KCNMA1: variants seen among roughly 807,000 people sequenced by gnomAD.
KCNMA1 encodes the protein Calcium-activated potassium channel subunit alpha-1.
KCNMA1 carries 29 observed loss-of-function variants against 140.0 expected under a neutral mutation model. The observed-to-expected ratio is 0.21, with a 90% CI of 0.15 to 0.28. The LOEUF (loss-of-function observed/expected upper bound fraction) is 0.28. KCNMA1 is among the 10% of genes least tolerant of loss of function. The pLI, the probability that KCNMA1 is intolerant of heterozygous loss-of-function variation, is 1.00. For synonymous variants in KCNMA1, 612 were observed against 611.9 expected, an observed-to-expected ratio of 1.00 and a Z score of 0.00; for missense variants, 880 against 1,602.2, an observed-to-expected ratio of 0.55 and a Z score of 7.70.
At position 77,154,872 on chromosome 10, in the gene KCNMA1, T is replaced by A. The variant is rs549200197; in HGVS notation, c.808+28549A>T. The stretch of plus-strand genomic sequence containing the variant: ...AAATTGCTTCAAGCAAATGCTTGTA[T>A]AAATTGCTATAAAACACACAAATTC... On this transcript the variant is annotated intron_variant, in intron 5 of 27. Transcript: ENST00000286628. Among the ~76,000 whole-genome samples, 16 of 152,372 alleles carry A rather than the reference T, an allele frequency of 1.1e-4. No individual in the cohort carries two copies. The South Asian group carries it at 1.5e-3, about 14-fold the overall frequency.
intron 3 of KCNMA1, among the ~76,000 whole-genome samples, chr10:77,221,065 A>G (rs1041689981): frequency 3.3e-5 from 5 of 152,224 alleles, no homozygotes; most frequent in Non-Finnish European, 5.9e-5. Context: ...CTGAAAAGAA[A>G]CTGCTAGTGA....
intron 2 of KCNMA1, among the ~76,000 whole-genome samples, chr10:77,388,529 A>G (rs1243848345): frequency 6.6e-6 from 1 of 152,246 alleles, no homozygotes; most frequent in Non-Finnish European, 1.5e-5. Flanking sequence ...CAAATCCCTG[A>G]GAACAAACAA....
chr10:77,364,662 C>G (rs181836), intron 2 of KCNMA1, among the ~76,000 whole-genome samples: 48,357 of 151,796 alleles, frequency 0.32, 7,891 homozygotes, highest in South Asian at 0.38. Context: ...TGGCTCATAA[C>G]TTCTCACTTT....
intron 14 of KCNMA1, among the ~76,000 whole-genome samples, chr10:77,062,240 G>A (rs547708348): frequency 5.9e-5 from 9 of 152,188 alleles, no homozygotes; most frequent in Non-Finnish European, 1.2e-4. Flanking sequence ...TAATAACCTT[G>A]AGGACTTATC....
At chr10:77,632,343 C>T (rs1384891857) in intron 1 of KCNMA1, among the ~76,000 whole-genome samples, 1 of 152,150 alleles carries the variant, frequency 6.6e-6, no homozygotes, top group Admixed American at 6.5e-5. Context: ...ACTTGGGAGA[C>T]AGGTCTATGA....
At chr10:77,098,026 T>C (rs2096981018) in intron 9 of KCNMA1, among the ~76,000 whole-genome samples, 1 of 152,230 alleles carries the variant, frequency 6.6e-6, no homozygotes, top group Non-Finnish European at 1.5e-5. Context: ...GCCAAAACTT[T>C]GCATCTTATC....
chr10:77,509,129 T>C (rs951514900), intron 1 of KCNMA1, among the ~76,000 whole-genome samples: 1 of 143,480 alleles, frequency 7.0e-6, no homozygotes, highest in Non-Finnish European at 1.5e-5. Context: ...GTTGTTGTTG[T>C]TGTTGTTGTT....
At chr10:77,292,639 C>T (rs1039927162) in intron 2 of KCNMA1, among the ~76,000 whole-genome samples, 4 of 152,164 alleles carry the variant, frequency 2.6e-5, no homozygotes, top group African/African-American at 9.7e-5. Flanking sequence ...TCCTTCCAGG[C>T]CCCAGCTCCT....
chr10:76,936,187 C>T (rs2060505935), intron 23 of KCNMA1, among the ~76,000 whole-genome samples: 1 of 152,142 alleles, frequency 6.6e-6, no homozygotes, highest in Non-Finnish European at 1.5e-5. Context: ...CTTGGGATGT[C>T]CACGGAAGAA....
At chr10:77,349,452 C>T (rs2092605764) in intron 2 of KCNMA1, among the ~76,000 whole-genome samples, 2 of 152,182 alleles carry the variant, frequency 1.3e-5, no homozygotes, top group Admixed American at 6.5e-5. Flanking sequence ...CCTCCATCCT[C>T]CCATCGACTG....
chr10:77,225,983 A>C (rs900169044), intron 3 of KCNMA1, among the ~76,000 whole-genome samples: 8 of 152,330 alleles, frequency 5.3e-5, no homozygotes, highest in South Asian at 2.1e-4. Context: ...CCCTGTTGCC[A>C]AGTGACATGT....
At chr10:77,445,191 A>G (rs4980146) in intron 1 of KCNMA1, among the ~76,000 whole-genome samples, 9,792 of 152,198 alleles carry the variant, frequency 0.064, 1,056 homozygotes, top group African/African-American at 0.22. Flanking sequence ...TAGGATCCCC[A>G]CTTTCTATAA....
chr10:76,929,398 C>A (rs965554773), intron 23 of KCNMA1, among the ~76,000 whole-genome samples: 8 of 152,182 alleles, frequency 5.3e-5, no homozygotes, highest in African/African-American at 1.9e-4. Flanking sequence ...CAAATGGACA[C>A]CCCCTGGTTT....
Position 76,930,049 on chromosome 10 carries a change from G to C in KCNMA1, c.2902+14724C>G, listed in dbSNP as rs577407306. The C allele has an allele frequency of 9.9e-5, 15 of 152,260 alleles. No individual in the cohort carries two copies. In the East Asian group the frequency reaches 2.7e-3, roughly 27 times the overall value. 9.4% of individuals were successfully genotyped at this position (152,260 alleles called of 1,614,324 possible). A position where few individuals can be genotyped will look rare whatever the true frequency, so the allele number is the denominator to read the frequency against. On this transcript the variant is annotated intron_variant, in intron 23 of 27. Coordinates refer to ENST00000286628, the MANE Select transcript of KCNMA1 (RefSeq NM_001161352.2). The stretch of plus-strand genomic sequence containing the variant: ...TCCTAGGAGAAAAAATAGGGGAAAA[G>C]CTCTTTGACATTGGTCTGGGCGATG...
intron 1 of KCNMA1, among the ~76,000 whole-genome samples, chr10:77,472,600 G>A (rs1474218062): frequency 6.6e-6 from 1 of 152,182 alleles, no homozygotes; most frequent in East Asian, 1.9e-4. Flanking sequence ...TAGGCATTTG[G>A]AAAATTAGCC....
intron 20 of KCNMA1, among the ~76,000 whole-genome samples, chr10:76,964,499 G>A (rs2073074963): frequency 6.6e-6 from 1 of 152,110 alleles, no homozygotes; most frequent in African/African-American, 2.4e-5. Context: ...CCAAGCCTCA[G>A]TACCATGACA....
At chr10:77,335,192 C>A (rs553187640) in intron 2 of KCNMA1, among the ~76,000 whole-genome samples, 1 of 152,106 alleles carries the variant, frequency 6.6e-6, no homozygotes. Flanking sequence ...GAAGCACAAG[C>A]GGTATAGTTG....
At chr10:77,314,511 T>C (rs763101298) in intron 2 of KCNMA1, among the ~76,000 whole-genome samples, 3 of 152,238 alleles carry the variant, frequency 2.0e-5, no homozygotes, top group Non-Finnish European at 2.9e-5. Context: ...CCCTGCTGAA[T>C]GGCTTGGAGA....
chr10:77,580,157 A>C (rs2154562734), intron 1 of KCNMA1, among the ~76,000 whole-genome samples: 1 of 152,230 alleles, frequency 6.6e-6, no homozygotes, highest in South Asian at 2.1e-4. Flanking sequence ...CGAGGCGGGC[A>C]GATCACGAGG....
Sources: allele counts gnomAD v4.1 joint callset (sites outside exome capture counted in the v4.1 genomes callset), GRCh38; gene constraint gnomAD v4.1.1; transcripts MANE v1.5; gene names NCBI Gene and HGNC (gene_info 2026-07-23, HGNC 2026-07-21).